DSCAML1: variants seen among roughly 807,000 people sequenced by gnomAD.
The protein encoded by DSCAML1 is DS cell adhesion molecule like 1.
A neutral mutation model predicts 200.5 loss-of-function variants in DSCAML1; 38 were observed. The observed-to-expected ratio is 0.19, with a 90% CI of 0.15 to 0.25. The LOEUF (loss-of-function observed/expected upper bound fraction) is 0.25, where lower values mean the gene tolerates loss of function less well. Among genes scored for constraint, DSCAML1 ranks in the 10% least tolerant of loss-of-function variants. The pLI is 1.00. For missense variants in DSCAML1, 2,223 were observed against 2,858.8 expected, an observed-to-expected ratio of 0.78 and a Z score of 5.07; for synonymous variants, 1,215 against 1,165.0, an observed-to-expected ratio of 1.04 and a Z score of -0.87.
At position 117,439,933 on chromosome 11, in the gene DSCAML1, G is replaced by T; in HGVS notation, c.3866C>A (p.Pro1289Gln). 1 of 1,613,666 alleles carries T rather than the reference G, an allele frequency of 6.2e-7. No individual in the cohort carries two copies. Among genetic ancestry groups the T allele is most frequent in the Non-Finnish European group, 8.5e-7 (1 of 1,179,708 alleles). Residue 1289 changes from proline to glutamine, a missense_variant, in exon 22 of 33, where the codon CCA (proline) becomes CAA (glutamine). By Grantham distance (76) the Pro-to-Gln change is moderately conservative (BLOSUM62 -1). Around this residue, in one of 7 missense-constraint regions of DSCAML1, gnomAD observed 614 missense variants for 739.1 expected, o/e 0.83. Coordinates refer to ENST00000651296, the MANE Select transcript of DSCAML1 (RefSeq NM_020693.4). ...KVTIEPAGKA[P>Q]AKIISFGGTV... Reference sequence around the variant, plus strand: ...GCCCCCAAAGGAGATGATCTTTGCTGGGGCTACAGGGAGGAGAGGATGAGG... The same window carrying T: ...GCCCCCAAAGGAGATGATCTTTGCTTGGGCTACAGGGAGGAGAGGATGAGG...
intron 3 of DSCAML1, among the ~76,000 whole-genome samples, chr11:117,576,951 AC>A (rs1442726099): frequency 1.3e-5 from 2 of 152,378 alleles, no homozygotes; most frequent in African/African-American, 4.8e-5. Context: ...TCCACTTTTC[AC>A]ATGACTTGGG....
chr11:117,566,808 T>A (rs1384637421), intron 3 of DSCAML1, among the ~76,000 whole-genome samples: 1 of 149,350 alleles, frequency 6.7e-6, no homozygotes, highest in African/African-American at 2.5e-5. Context: ...AATTCCCACC[T>A]ATGAGTGAGA....
At chr11:117,586,323 G>A (rs967938756) in intron 3 of DSCAML1, among the ~76,000 whole-genome samples, 2 of 152,192 alleles carry the variant, frequency 1.3e-5, no homozygotes, top group South Asian at 2.1e-4. Context: ...TGGGGGCACC[G>A]CCTCCAAGGC....
chr11:117,705,119 A>T (rs989709877), intron 3 of DSCAML1, among the ~76,000 whole-genome samples: 2 of 152,242 alleles, frequency 1.3e-5, no homozygotes, highest in African/African-American at 4.8e-5. Flanking sequence ...TAGTGTGTGC[A>T]TTTGCCTTTG....
intron 3 of DSCAML1, among the ~76,000 whole-genome samples, chr11:117,569,196 T>C (rs1459725629): frequency 6.6e-6 from 1 of 152,190 alleles, no homozygotes; most frequent in Non-Finnish European, 1.5e-5. Flanking sequence ...GATCCCTTCC[T>C]TACACCTTAT....
At chr11:117,639,593 G>A (rs2052360186) in intron 3 of DSCAML1, among the ~76,000 whole-genome samples, 1 of 152,122 alleles carries the variant, frequency 6.6e-6, no homozygotes, top group Non-Finnish European at 1.5e-5. Flanking sequence ...GCTTGAGGGT[G>A]GGGGGACATC....
rs908206138 is a variant in DSCAML1, at chr11:117,627,246, G to A, written c.512-94724C>T. Among the ~76,000 whole-genome samples, 13 of 152,004 alleles carry A rather than the reference G, an allele frequency of 8.6e-5. No homozygotes were observed. The East Asian group carries it at 9.6e-4, about 11-fold the overall frequency. On this transcript the variant is annotated intron_variant, in intron 3 of 32. Transcript: ENST00000651296. ...GGCGGGAGTTTTCCCTTCCGCCCCCGGTCTGCTAAGACACTGTTAGAGGTT... is the reference window on the plus strand; with the variant it reads ...GGCGGGAGTTTTCCCTTCCGCCCCCAGTCTGCTAAGACACTGTTAGAGGTT...
chr11:117,430,974 C>T lies in DSCAML1; in HGVS notation c.5434G>A (p.Ala1812Thr). ...AGCTTGGCATGCTCATAGGCCCGGGCCAGCTCCTCGTAGGTGGAAGAGGCA... is the reference window on the plus strand; with the variant it reads ...AGCTTGGCATGCTCATAGGCCCGGGTCAGCTCCTCGTAGGTGGAAGAGGCA... ...ESASSTYEEL[A>T]RAYEHAKLEE... Residue 1812 changes from alanine (A) to threonine (T), a missense_variant, in exon 32 of 33, where the codon GCC becomes ACC. Coordinates refer to ENST00000651296, the MANE Select transcript of DSCAML1 (RefSeq NM_020693.4). The T allele has an allele frequency of 1.2e-6, 2 of 1,614,138 alleles. No individual in the cohort carries two copies. Among genetic ancestry groups the T allele is most frequent in the Non-Finnish European group, 1.7e-6 (2 of 1,180,034 alleles).
chr11:117,468,988 T>C (rs945395590), intron 16 of DSCAML1, among the ~76,000 whole-genome samples: 1 of 151,998 alleles, frequency 6.6e-6, no homozygotes, highest in Non-Finnish European at 1.5e-5. Flanking sequence ...ATGGGAAAGC[T>C]CCAGGAAGAA....
At chr11:117,701,685 G>A (rs976426228) in intron 3 of DSCAML1, among the ~76,000 whole-genome samples, 19 of 152,242 alleles carry the variant, frequency 1.2e-4, no homozygotes, top group African/African-American at 4.3e-4. Context: ...CAAAAATGCC[G>A]TGTCAGGACC....
intron 1 of DSCAML1, among the ~76,000 whole-genome samples, chr11:117,785,823 A>G (rs2055341919): frequency 6.6e-6 from 1 of 152,164 alleles, no homozygotes; most frequent in Non-Finnish European, 1.5e-5. Context: ...ACACAAAGGT[A>G]TGAGGTGGAG....
chr11:117,546,437 C>T (rs1355167704), intron 3 of DSCAML1, among the ~76,000 whole-genome samples: 2 of 152,202 alleles, frequency 1.3e-5, no homozygotes. Flanking sequence ...TAAATGAATG[C>T]ATAGCTCTTC....
At chr11:117,470,254 T>C (rs560242868) in intron 15 of DSCAML1, among the ~76,000 whole-genome samples, 1 of 152,270 alleles carries the variant, frequency 6.6e-6, no homozygotes, top group East Asian at 1.9e-4. Context: ...TTTTTAAAAG[T>C]TGAAGAGTAT....
intron 3 of DSCAML1, among the ~76,000 whole-genome samples, chr11:117,596,189 T>C (rs149069180): frequency 6.6e-5 from 10 of 152,168 alleles, no homozygotes; most frequent in Admixed American, 3.9e-4. Context: ...AGCAAGACCA[T>C]TGTGGTTAAA....
chr11:117,688,936 C>G (rs941040982), intron 3 of DSCAML1, among the ~76,000 whole-genome samples: 3 of 152,236 alleles, frequency 2.0e-5, no homozygotes, highest in Admixed American at 2.0e-4. Context: ...CCTTTCAGCT[C>G]TCGCCTACTG....
At chr11:117,684,391 G>C (rs533085170) in intron 3 of DSCAML1, among the ~76,000 whole-genome samples, 2 of 141,064 alleles carry the variant, frequency 1.4e-5, no homozygotes, top group South Asian at 4.5e-4. Context: ...ACCCATCAGC[G>C]CTTGTTTTTA....
At chr11:117,506,547 C>CT (rs5795089) in intron 8 of DSCAML1, among the ~76,000 whole-genome samples, 4,915 of 96,846 alleles carry the variant, frequency 0.051, 444 homozygotes, top group African/African-American at 0.075. Flanking sequence ...CAAGAGATAA[C>CT]TTTTTTTTTT....
chr11:117,610,539 G>A (rs907540048), intron 3 of DSCAML1, among the ~76,000 whole-genome samples: 25 of 152,198 alleles, frequency 1.6e-4, no homozygotes, highest in Non-Finnish European at 2.6e-4. Flanking sequence ...ATGGAGTGGT[G>A]AGAACAGACG....
chr11:117,799,869 C>G (rs1236401431), upstream of DSCAML1, among the ~76,000 whole-genome samples: 1 of 152,234 alleles, frequency 6.6e-6, no homozygotes, highest in Non-Finnish European at 1.5e-5. Flanking sequence ...TGAATGGGAA[C>G]AGCTTTGCTC....
Sources: allele counts gnomAD v4.1 joint callset (sites outside exome capture counted in the v4.1 genomes callset), GRCh38; gene constraint gnomAD v4.1.1; regional missense constraint gnomAD v4.1.1; transcripts MANE v1.5; gene names NCBI Gene and HGNC (gene_info 2026-07-23, HGNC 2026-07-21).